Variants in TMX3 observed in about 807,000 individuals in gnomAD.
TMX3 encodes thioredoxin related transmembrane protein 3, also known as protein disulfide-isomerase TMX3.
TMX3 carries 40 observed loss-of-function variants against 64.4 expected under a neutral mutation model. The ratio of observed to expected loss-of-function variants is 0.62; its 90% CI spans 0.48 to 0.81. The LOEUF is 0.81. TMX3 is among the 30% of genes least tolerant of loss of function. TMX3 has a pLI of 0.00. For synonymous variants in TMX3, 189 were observed against 175.7 expected (o/e 1.08, Z -0.60); for missense variants, 497 against 534.5 (o/e 0.93, Z 0.69).
Position 68,700,462 on chromosome 18 carries a change from T to G in TMX3, c.335A>C (p.Asn112Thr). 1.3e-6 allele frequency: 2 copies of G among 1,572,384 alleles called. No individual in the cohort carries two copies. Among genetic ancestry groups the G allele is most frequent in the Non-Finnish European group, 1.7e-6 (2 of 1,161,474 alleles). The change falls in exon 6 of 16, where the codon AAT becomes ACT. Residue 112 changes from asparagine to threonine, a missense_variant. By Grantham distance (65) the Asn-to-Thr change is moderately conservative. Around this residue, in one of 3 missense-constraint regions of TMX3, gnomAD observed 360 missense variants for 383.5 expected, o/e 0.94. Coordinates refer to ENST00000299608, the MANE Select transcript of TMX3 (RefSeq NM_019022.5). ...ATCTTTTGTTCGTGGTCCTCTATAA[T>G]TATATGCCAAGTCCCCTTTTAATCT... ...IKLLKGDLAY[N>T]YRGPRTKDDI... is the part of the protein sequence containing the mutation.
chr18:68,708,072 T>TATA (rs1474796234), intron 4 of TMX3, among the ~76,000 whole-genome samples: 1 of 150,692 alleles, frequency 6.6e-6, no homozygotes, highest in East Asian at 1.9e-4. Context: ...TATATGTGTA[T>TATA]ATGTGTATAT....
At chr18:68,704,922 G>A (rs757901634) in intron 4 of TMX3, among the ~76,000 whole-genome samples, 2 of 152,116 alleles carry the variant, frequency 1.3e-5, no homozygotes, top group Non-Finnish European at 2.9e-5. Flanking sequence ...TAGTTACCTT[G>A]TTATTTCATC....
At chr18:68,688,743 T>C (rs1914210646) in intron 9 of TMX3, 1 of 152,220 alleles carries the variant, frequency 6.6e-6, no homozygotes, top group Non-Finnish European at 1.5e-5. Context: ...CAATGTCCAC[T>C]GCATGCTAAA....
chr18:68,696,738 A>C (rs1166372347), intron 8 of TMX3, among the ~76,000 whole-genome samples: 1 of 152,052 alleles, frequency 6.6e-6, no homozygotes, highest in Non-Finnish European at 1.5e-5. Flanking sequence ...AGGCCTCCCA[A>C]AGTGCTGGGA....
At chr18:68,700,701 G>A (rs2029959639) in intron 5 of TMX3, 6 of 966,604 alleles carry the variant, frequency 6.2e-6, no homozygotes, top group Non-Finnish European at 4.9e-6. Context: ...AAAATTACAT[G>A]AAAATATCTT....
At chr18:68,677,341 C>T (rs1161633685) in intron 15 of TMX3, 148 bp from the exon 16 acceptor site, 12 of 817,420 alleles carry the variant, frequency 1.5e-5, no homozygotes, top group Non-Finnish European at 2.2e-5. Flanking sequence ...GCAGTAACTA[C>T]CATGTGAAAG....
Position 68,711,423 on chromosome 18 carries a change from A to C in TMX3, c.102-20T>G. ...TTAAACCTAAAAAACAAGAAAACAA[A>C]TGTTTGATTGTATGTTTGTGTCCAC... On this transcript the variant is annotated intron_variant, in intron 2 of 15. Transcript: ENST00000299608. The C allele has an allele frequency of 6.4e-7, 1 of 1,562,186 alleles. No homozygotes were observed. The highest frequency in any genetic ancestry group is 8.8e-7 in the Non-Finnish European group (1 of 1,141,350).
chr18:68,676,909 C>G lies in TMX3; in HGVS notation c.*24G>C, dbSNP rs377534484. The stretch of plus-strand genomic sequence containing the variant: ...ACTCTTTAATAATTTGAAGTCCTAA[C>G]AAATATTTTATAGTCATCAAGTCTC... On this transcript the variant is annotated 3_prime_UTR_variant, in exon 16 of 16. Coordinates refer to ENST00000299608, the MANE Select transcript of TMX3 (RefSeq NM_019022.5). The G allele has an allele frequency of 4.4e-6, 7 of 1,594,378 alleles. No homozygotes were observed. Among genetic ancestry groups the G allele is most frequent in the Admixed American group, 1.8e-5 (1 of 55,748 alleles).
chr18:68,697,172 A>T (rs750072186), intron 8 of TMX3, 54 bp downstream of exon 8: 6 of 885,246 alleles, frequency 6.8e-6, no homozygotes, highest in African/African-American at 1.7e-5. Context: ...TATTAAATCA[A>T]GTAATAATTT....
intron 3 of TMX3, 107 bp from the exon 4 acceptor site, chr18:68,710,251 CTAA>C (rs1234940560): frequency 1.2e-5 from 12 of 1,031,846 alleles, no homozygotes; most frequent in South Asian, 2.7e-5. Flanking sequence ...ACTAAATGAT[CTAA>C]TAATGTTTTA....
chr18:68,696,051 C>T lies in TMX3; in HGVS notation c.570+1175G>A, dbSNP rs550054133. ...ATCTTTGCACGGCTCCTTCATATCA[C>T]GTAAAAGTCTCAGTTCAAGTATTTT... On this transcript the variant is annotated intron_variant, in intron 8 of 15. Transcript: ENST00000299608. 1.5e-4 allele frequency among the ~76,000 whole-genome samples: 23 copies of T among 152,296 alleles called. No individual in the cohort carries two copies. The East Asian group carries it at 1.9e-3, about 13-fold the overall frequency.
intron 10 of TMX3, chr18:68,686,857 A>G (rs1425918906): frequency 1.0e-6 from 1 of 985,290 alleles, no homozygotes; most frequent in East Asian, 1.1e-4. Context: ...TCAGGAACAG[A>G]ACAGAAATAT....
intron 10 of TMX3, chr18:68,687,193 G>T: frequency 7.1e-6 from 7 of 985,326 alleles, no homozygotes; most frequent in Non-Finnish European, 8.4e-6. Flanking sequence ...CATATAATCG[G>T]CTTCTTACAG....
At position 68,675,659 on chromosome 18, in the gene TMX3, G is replaced by A. The variant is rs1321462356; in HGVS notation, c.*1274C>T. 6.6e-6 allele frequency: 1 copy of A among 152,008 alleles called. No individual in the cohort carries two copies. The highest frequency in any genetic ancestry group is 2.4e-5 in the African/African-American group (1 of 41,384). 9.4% of individuals were successfully genotyped at this position (152,008 alleles called of 1,614,324 possible). On this transcript the variant is annotated 3_prime_UTR_variant, in exon 16 of 16. Coordinates refer to ENST00000299608, the MANE Select transcript of TMX3 (RefSeq NM_019022.5). ...ATGAATAACCACTCAAATCATAGTT[G>A]CCTAATATAAATTCTAAACTTAGCT...
At chr18:68,696,465 C>T (rs377710744) in intron 8 of TMX3, among the ~76,000 whole-genome samples, 38 of 151,608 alleles carry the variant, frequency 2.5e-4, no homozygotes, top group African/African-American at 8.7e-4. Context: ...AGCCACTGGG[C>T]CCGGCCTTAA....
intron 4 of TMX3, among the ~76,000 whole-genome samples, chr18:68,708,873 T>C (rs1280943899): frequency 6.6e-6 from 1 of 152,146 alleles, no homozygotes; most frequent in African/African-American, 2.4e-5. Flanking sequence ...TGAGGATTAT[T>C]ACTCTCCTTT....
chr18:68,712,958 A>T (rs1271603127), intron 2 of TMX3, among the ~76,000 whole-genome samples: 1 of 151,350 alleles, frequency 6.6e-6, no homozygotes, highest in East Asian at 1.9e-4. Flanking sequence ...GAAACTAACA[A>T]TCACAGCTTT....
intron 8 of TMX3, among the ~76,000 whole-genome samples, chr18:68,692,900 T>C (rs1183718038): frequency 6.6e-6 from 1 of 152,188 alleles, no homozygotes; most frequent in Non-Finnish European, 1.5e-5. Flanking sequence ...CCCATTGTTA[T>C]ATGAGGATTA....
chr18:68,714,448 C>G (rs1378037110), intron 1 of TMX3: 1 of 163,764 alleles, frequency 6.1e-6, no homozygotes, highest in African/African-American at 2.4e-5. Context: ...CGGGAGGCAG[C>G]TGAGAACCGC....
Sources: gnomAD v4.1 joint callset for allele counts (sites outside exome capture counted in the v4.1 genomes callset) on GRCh38, gnomAD v4.1.1 for gene constraint, gnomAD v4.1.1 regional missense constraint, MANE v1.5 for transcripts, NCBI Gene and HGNC (gene_info 2026-07-23, HGNC 2026-07-21) for gene names.